DHX9: variants seen among roughly 807,000 people sequenced by gnomAD.
The protein encoded by DHX9 is DExH-box helicase 9.
In DHX9, 27 loss-of-function variants were observed where a neutral mutation model predicts 148.7. That is an observed-to-expected ratio of 0.18 (90% confidence interval 0.13 to 0.25). The LOEUF is 0.25. Ranked by LOEUF, DHX9 falls within the 10% of genes least tolerant of loss-of-function variation. DHX9 has a pLI of 1.00. For synonymous variants in DHX9, 529 were observed against 516.6 expected (o/e 1.02, Z -0.33); for missense variants, 796 against 1,559.6 (o/e 0.51, Z 8.25).
chr1:182,874,089 T>C (rs1313858567), intron 15 of DHX9, among the ~76,000 whole-genome samples: 1 of 152,230 alleles, frequency 6.6e-6, no homozygotes, highest in African/African-American at 2.4e-5. Flanking sequence ...GACAAGTGCC[T>C]CTTACAAAAG....
rs1289872816 is a variant in DHX9 at position 182,887,107 on chromosome 1, C to T, written c.3486C>T (p.Pro1162=). ...STRYGDGPRP[P]KMARYDNGSG... is the part of the protein sequence containing the mutation. ...GGTATGGAGATGGTCCACGTCCTCC[C>T]AAGATGGCCCGATACGACAATGGAA... The change falls in exon 28 of 28, where the codon CCC becomes CCT. Residue 1162 remains proline, a synonymous_variant. Transcript: ENST00000367549. 6.2e-7 allele frequency: 1 copy of T among 1,614,116 alleles called. No homozygotes were observed. The highest frequency in any genetic ancestry group is 2.2e-5 in the East Asian group (1 of 44,890).
chr1:182,852,370 G>A (rs1557966749), intron 4 of DHX9, 26 bp downstream of exon 4: 5 of 1,498,560 alleles, frequency 3.3e-6, no homozygotes, highest in Non-Finnish European at 3.7e-6. Flanking sequence ...CCATGCACGT[G>A]GTGGAGAATA....
At chr1:182,871,673 G>T (rs1224819316) in intron 14 of DHX9, among the ~76,000 whole-genome samples, 1 of 152,098 alleles carries the variant, frequency 6.6e-6, no homozygotes, top group Admixed American at 6.6e-5. Context: ...TCATACACTG[G>T]GACAGTAAAC....
rs944688508 is a variant in DHX9 at position 182,875,019 on chromosome 1, T to C, written c.1815+65T>C. The C allele has an allele frequency of 6.4e-6, 8 of 1,240,942 alleles. No individual in the cohort carries two copies. In the African/African-American group the frequency reaches 1.2e-4, roughly 18 times the overall value. The allele number at this position is 1,240,942 out of a possible 1,614,324, so 76.9% of individuals were successfully genotyped here. The stretch of plus-strand genomic sequence containing the variant: ...TGTCAATGCAGAGAAAAAAATGAGT[T>C]AATGTAACATGCAATGTATTAGCAT... On this transcript the variant is annotated intron_variant, in intron 16 of 27. Coordinates refer to ENST00000367549, the MANE Select transcript of DHX9 (RefSeq NM_001357.5).
chr1:182,865,378 G>A (rs527500693), intron 12 of DHX9, among the ~76,000 whole-genome samples: 2 of 152,176 alleles, frequency 1.3e-5, no homozygotes, highest in African/African-American at 4.8e-5. Context: ...TATATATAAT[G>A]TGTTGATATT....
chr1:182,845,287 A>G (rs73063080), intron 3 of DHX9, among the ~76,000 whole-genome samples: 3,956 of 152,178 alleles, frequency 0.026, 170 homozygotes, highest in African/African-American at 0.09. Context: ...GCTCTTCTCT[A>G]TGGTCTTGTA....
chr1:182,841,299 AAAG>A (rs1277405317), intron 1 of DHX9, among the ~76,000 whole-genome samples: 1 of 152,194 alleles, frequency 6.6e-6, no homozygotes, highest in African/African-American at 2.4e-5. Flanking sequence ...TCAAAAAAAA[AAAG>A]AGAGAAAAGA....
chr1:182,873,260 T>G (rs1648621039), intron 15 of DHX9, among the ~76,000 whole-genome samples: 1 of 152,210 alleles, frequency 6.6e-6, no homozygotes, highest in African/African-American at 2.4e-5. Flanking sequence ...CCAGCCTTCT[T>G]TACTGTCTTT....
At chr1:182,881,691 A>G (rs766965276) in intron 24 of DHX9, 44 bp downstream of exon 24, 1 of 1,538,728 alleles carries the variant, frequency 6.5e-7, no homozygotes. Flanking sequence ...AGTGACATTT[A>G]TATAGTACAT....
chr1:182,845,400 AT>A (rs1210132673), intron 3 of DHX9, among the ~76,000 whole-genome samples: 1 of 150,252 alleles, frequency 6.7e-6, no homozygotes, highest in Non-Finnish European at 1.5e-5. Flanking sequence ...GGTACCAGAT[AT>A]TTTTTTCCCT....
intron 21 of DHX9, 53 bp from the exon 22 acceptor site, chr1:182,880,444 G>C: frequency 8.2e-7 from 1 of 1,222,878 alleles, no homozygotes; most frequent in Non-Finnish European, 1.2e-6. Flanking sequence ...TGTTTTGTCT[G>C]CCTAAAATTA....
chr1:182,876,166 T>G lies in DHX9; in HGVS notation c.1932T>G (p.Ile644Met). The G allele has an allele frequency of 6.2e-7, 1 of 1,614,008 alleles. No homozygotes were observed. Among genetic ancestry groups the G allele is most frequent in the Non-Finnish European group, 8.5e-7 (1 of 1,179,906 alleles). Reference sequence around the variant, plus strand: ...TCATCGAGGCTCTACTTAAGTACATTGAAACCCTTAATGTTCCTGGAGCTG... The same window carrying G: ...TCATCGAGGCTCTACTTAAGTACATGGAAACCCTTAATGTTCCTGGAGCTG... ...FELIEALLKY[I>M]ETLNVPGAVL... Residue 644 changes from isoleucine to methionine, a missense_variant, in exon 17 of 28, where the codon ATT becomes ATG. Ile to Met is a conservative substitution (Grantham distance 10, BLOSUM62 1). This residue lies in a region of DHX9 where 133 missense variants were observed against 223.8 expected (regional missense o/e 0.59). Transcript: ENST00000367549.
intron 19 of DHX9, 151 bp from the exon 20 acceptor site, chr1:182,877,869 AT>A: frequency 4.7e-6 from 4 of 854,820 alleles, no homozygotes; most frequent in Non-Finnish European, 7.0e-6. Context: ...TTGCAGTCAG[AT>A]TGCTGATTCT....
At chr1:182,875,022 T>C in intron 16 of DHX9, 68 bp downstream of exon 16, 2 of 1,229,474 alleles carry the variant, frequency 1.6e-6, no homozygotes, top group Non-Finnish European at 2.4e-6. Flanking sequence ...AATGAGTTAA[T>C]GTAACATGCA....
intron 16 of DHX9, among the ~76,000 whole-genome samples, chr1:182,875,678 A>C (rs1648730428): frequency 6.6e-6 from 1 of 152,218 alleles, no homozygotes; most frequent in Non-Finnish European, 1.5e-5. Context: ...TTAGAAAAAG[A>C]CCAATTGCAA....
At position 182,883,323 on chromosome 1, in the gene DHX9, C is replaced by T; in HGVS notation, c.3099C>T (p.Ser1033=). ...CATCTGTTAATTGTCCTTTTAGTAG[C>T]CAAGACATGAAGTACCCATCTCCCT... ...HKSSVNCPFS[S]QDMKYPSPFF... is the part of the protein sequence containing the mutation. Residue 1033 remains serine (S), a synonymous_variant, in exon 25 of 28, where the codon AGC becomes AGT. Transcript: ENST00000367549. 1 of 1,614,052 alleles carries T rather than the reference C, an allele frequency of 6.2e-7. No homozygotes were observed. The highest frequency in any genetic ancestry group is 1.1e-5 in the South Asian group (1 of 91,074).
chr1:182,883,080 T>G (rs1571323237), intron 24 of DHX9, 59 bp from the exon 25 acceptor site: 3 of 1,102,276 alleles, frequency 2.7e-6, no homozygotes, highest in Non-Finnish European at 4.2e-6. Flanking sequence ...ATAGTTTGCA[T>G]GTAATGTGAA....
At chr1:182,874,635 G>A (rs565442776) in intron 15 of DHX9, among the ~76,000 whole-genome samples, 38 of 152,172 alleles carry the variant, frequency 2.5e-4, no homozygotes, top group Non-Finnish European at 4.4e-4. Context: ...CTGGGAACAT[G>A]TATAAAAGAC....
chr1:182,868,297 A>G (rs1648390048), intron 14 of DHX9, among the ~76,000 whole-genome samples: 1 of 152,196 alleles, frequency 6.6e-6, no homozygotes, highest in Non-Finnish European at 1.5e-5. Flanking sequence ...TATGCATATG[A>G]AATTTTAGAA....
Sources: gnomAD v4.1 joint callset for allele counts (sites outside exome capture counted in the v4.1 genomes callset) on GRCh38, gnomAD v4.1.1 for gene constraint, gnomAD v4.1.1 regional missense constraint, MANE v1.5 for transcripts, NCBI Gene and HGNC (gene_info 2026-07-23, HGNC 2026-07-21) for gene names.